CELF2: variants seen among roughly 807,000 people sequenced by gnomAD.
CELF2 encodes CUGBP Elav-like family member 2, also known as CUG triplet repeat RNA-binding protein 2.
A neutral mutation model predicts 62.6 loss-of-function variants in CELF2; 8 were observed. The ratio of observed to expected loss-of-function variants is 0.13; its 90% CI spans 0.07 to 0.23. CELF2 has a LOEUF of 0.23. Among genes scored for constraint, CELF2 ranks in the 10% least tolerant of loss-of-function variants. The pLI is 1.00. For missense variants in CELF2, 333 were observed against 671.0 expected (o/e 0.50, Z 5.56); for synonymous variants, 258 against 250.0 (o/e 1.03, Z -0.30).
At chr10:10,867,361 G>A (rs764410037) in intron 1 of CELF2, among the ~76,000 whole-genome samples, 5 of 152,200 alleles carry the variant, frequency 3.3e-5, no homozygotes, top group Non-Finnish European at 7.3e-5. Flanking sequence ...TTACTGACAA[G>A]TGGAAATATT....
chr10:10,722,164 C>T, the CELF2 span, among the ~76,000 whole-genome samples: 3 of 151,536 alleles, frequency 2.0e-5, no homozygotes, highest in Admixed American at 2.0e-4. Flanking sequence ...AGAGCCAGGC[C>T]TGGTGGCACA....
At position 10,983,575 on chromosome 10, in the gene CELF2, T is replaced by C. The variant is rs71491558; in HGVS notation, c.89+63576T>C. ...CGTAGTTTTTGTTTTTGGTTTTTGG[T>C]TTATTTTTTTGAGACAGAGTCTCAC... On this transcript the variant is annotated intron_variant, in intron 2 of 13. Transcript: ENST00000636488. The surrounding 1 kb of genome is among the most constrained non-coding windows in gnomAD (Gnocchi z 5.2). Among the ~76,000 whole-genome samples, 1 of 152,154 alleles carries C rather than the reference T, an allele frequency of 6.6e-6. No homozygotes were observed.
chr10:10,707,894 C>A, the CELF2 span, among the ~76,000 whole-genome samples: 1 of 151,962 alleles, frequency 6.6e-6, no homozygotes, highest in Non-Finnish European at 1.5e-5. Flanking sequence ...GGGACATGGA[C>A]CTAATCCCTA....
Position 11,017,877 on chromosome 10 carries a change from C to T in CELF2, c.-213C>T, listed in dbSNP as rs1033062116. ...GCGGGCGCCCCGCGAGCTCCGCCCCCGCCCGCCGCACCTGGCGCTCGGCAG... is the reference window on the plus strand; with the variant it reads ...GCGGGCGCCCCGCGAGCTCCGCCCCTGCCCGCCGCACCTGGCGCTCGGCAG... On this transcript the variant is annotated 5_prime_UTR_variant, in exon 1 of 13. Transcript: ENST00000633077. The surrounding 1 kb of genome is among the most constrained non-coding windows in gnomAD (Gnocchi z 5.5). 1.1e-6 allele frequency: 1 copy of T among 908,918 alleles called. No individual in the cohort carries two copies. Among genetic ancestry groups the T allele is most frequent in the African/African-American group, 1.8e-5 (1 of 55,324 alleles). The allele number at this position is 908,918 out of a possible 1,614,324, so 56.3% of individuals were successfully genotyped here. A position where few individuals can be genotyped will look rare whatever the true frequency, so the allele number is the denominator to read the frequency against.
intron 1 of CELF2, among the ~76,000 whole-genome samples, chr10:11,152,216 T>A (rs1350053704): frequency 2.0e-5 from 3 of 152,188 alleles, no homozygotes; most frequent in Admixed American, 2.0e-4. Flanking sequence ...AACATATTCA[T>A]GTAGTCACTG....
chr10:10,485,018 T>C, the CELF2 span, among the ~76,000 whole-genome samples: 1 of 152,158 alleles, frequency 6.6e-6, no homozygotes. Context: ...TTTCTGATGC[T>C]ACCAGGAATT....
the CELF2 span, among the ~76,000 whole-genome samples, chr10:10,639,347 T>A: frequency 1.3e-5 from 2 of 152,202 alleles, no homozygotes; most frequent in Admixed American, 6.5e-5. Context: ...GCCCTTGAGA[T>A]TTTCCTCTTT....
chr10:10,871,682 G>C (rs2060757147), intron 1 of CELF2, among the ~76,000 whole-genome samples: 1 of 152,088 alleles, frequency 6.6e-6, no homozygotes, highest in East Asian at 1.9e-4. Flanking sequence ...AAGACTTCTA[G>C]GAAGGACTTT....
intron 4 of CELF2, among the ~76,000 whole-genome samples, chr10:11,249,915 C>A (rs1489208189): frequency 6.6e-6 from 1 of 152,142 alleles, no homozygotes; most frequent in African/African-American, 2.4e-5. Context: ...TTAAAAGAAT[C>A]TTCTACCATC....
rs756252881 is a variant in CELF2, at chr10:11,318,704, G to T, written c.1097-2485G>T. ...GCATTGTAAGAGAGAAACATTTTTG[G>T]CAAAAAGGAGAAAGAGTTCAAAGTA... is the stretch of plus-strand genomic sequence containing the variant. On this transcript the variant is annotated intron_variant, in intron 10 of 12. Transcript: ENST00000633077. The surrounding 1 kb of genome is among the most constrained non-coding windows in gnomAD (Gnocchi z 5.4). The T allele has an allele frequency of 6.7e-6, 3 of 450,446 alleles. No homozygotes were observed. Among genetic ancestry groups the T allele is most frequent in the African/African-American group, 6.1e-5 (3 of 48,888 alleles). 27.9% of individuals were successfully genotyped at this position (450,446 alleles called of 1,614,324 possible).
the CELF2 span, among the ~76,000 whole-genome samples, chr10:10,741,724 G>A: frequency 6.6e-6 from 1 of 152,064 alleles, no homozygotes; most frequent in African/African-American, 2.4e-5. Flanking sequence ...TGGTCACTTG[G>A]TTAAGGCCTT....
At chr10:10,968,353 A>G (rs372881098) in intron 2 of CELF2, among the ~76,000 whole-genome samples, 100 of 152,284 alleles carry the variant, frequency 6.6e-4, no homozygotes, top group Non-Finnish European at 1.1e-3. Flanking sequence ...GGAATGCGTG[A>G]TGATGTTTAG....
the CELF2 span, among the ~76,000 whole-genome samples, chr10:10,463,958 TA>T: frequency 4.4e-3 from 632 of 143,340 alleles, 2 homozygotes; most frequent in East Asian, 0.038. Context: ...AACCTTTTTC[TA>T]AAAAAAAAAA....
intron 1 of CELF2, among the ~76,000 whole-genome samples, chr10:11,052,177 C>T (rs1313886451): frequency 6.6e-6 from 1 of 152,182 alleles, no homozygotes; most frequent in Non-Finnish European, 1.5e-5. Context: ...CTCAAGCAAT[C>T]TGCTCATCTC....
At chr10:10,596,096 A>G in the CELF2 span, among the ~76,000 whole-genome samples, 118 of 152,238 alleles carry the variant, frequency 7.8e-4, no homozygotes, top group African/African-American at 2.8e-3. Context: ...CTTGTGGGCT[A>G]AGCCCCAGTT....
the CELF2 span, among the ~76,000 whole-genome samples, chr10:10,754,276 C>A: frequency 2.1e-4 from 32 of 151,954 alleles, no homozygotes; most frequent in African/African-American, 6.8e-4. Context: ...TCCCAAGTAG[C>A]TGGTACTGTA....
chr10:11,088,258 G>C (rs1179508427), intron 1 of CELF2, among the ~76,000 whole-genome samples: 1 of 152,218 alleles, frequency 6.6e-6, no homozygotes, highest in African/African-American at 2.4e-5. Context: ...AGACATGAGA[G>C]GCAGAGTGAA....
intron 1 of CELF2, among the ~76,000 whole-genome samples, chr10:10,878,236 G>A (rs2061234842): frequency 6.6e-6 from 1 of 152,052 alleles, no homozygotes; most frequent in Admixed American, 6.5e-5. Context: ...GAAAGATATT[G>A]ATTCCAGTGT....
At chr10:11,154,685 CTT>C (rs1371974637) in intron 1 of CELF2, among the ~76,000 whole-genome samples, 1 of 152,204 alleles carries the variant, frequency 6.6e-6, no homozygotes, top group East Asian at 1.9e-4. Context: ...ACTGTCATCT[CTT>C]TGGGGCATTT....
Sources: allele counts gnomAD v4.1 joint callset (sites outside exome capture counted in the v4.1 genomes callset), GRCh38; gene constraint gnomAD v4.1.1; non-coding constraint Gnocchi (gnomAD v3.1); transcripts MANE v1.5; gene names NCBI Gene and HGNC (gene_info 2026-07-23, HGNC 2026-07-21).